The following EYA4 variants were observed in gnomAD, a reference collection of about 807,000 sequenced individuals.
EYA4 encodes the protein EYA transcriptional coactivator and phosphatase 4.
In EYA4, 31 loss-of-function variants were observed where a neutral mutation model predicts 87.9. The ratio of observed to expected loss-of-function variants is 0.35; its 90% CI spans 0.27 to 0.48. The LOEUF is 0.48. Among genes scored for constraint, EYA4 ranks in the 20% least tolerant of loss-of-function variants. EYA4 has a pLI of 0.99. For synonymous variants in EYA4, 263 were observed against 270.6 expected, an observed-to-expected ratio of 0.97 and a Z score of 0.28; for missense variants, 678 against 761.4, an observed-to-expected ratio of 0.89 and a Z score of 1.29.
chr6:133,383,758 G>A (rs923616309), intron 3 of EYA4, among the ~76,000 whole-genome samples: 5 of 151,994 alleles, frequency 3.3e-5, no homozygotes, highest in African/African-American at 1.2e-4. Context: ...TTTGATCTTT[G>A]TTCTGTGTAA....
chr6:133,269,597 A>C (rs1213595709), intron 1 of EYA4, among the ~76,000 whole-genome samples: 1 of 152,212 alleles, frequency 6.6e-6, no homozygotes, highest in African/African-American at 2.4e-5. Context: ...TCTAATAAGG[A>C]AAGTAACATG....
chr6:133,373,255 G>T (rs1263942408), intron 2 of EYA4, among the ~76,000 whole-genome samples: 2 of 151,938 alleles, frequency 1.3e-5, no homozygotes, highest in Non-Finnish European at 2.9e-5. Context: ...TGGCTTGTCT[G>T]GGGTCCTTTT....
intron 2 of EYA4, among the ~76,000 whole-genome samples, chr6:133,356,891 C>T (rs548279791): frequency 1.3e-5 from 2 of 151,652 alleles, no homozygotes; most frequent in African/African-American, 4.8e-5. Context: ...CACCCTGTGC[C>T]TCCCAGGTTC....
intron 19 of EYA4, among the ~76,000 whole-genome samples, chr6:133,526,293 A>G (rs368554331): frequency 6.6e-6 from 1 of 152,190 alleles, no homozygotes; most frequent in East Asian, 1.9e-4. Context: ...TGTTTTACAT[A>G]GAAAGAATGT....
At chr6:133,357,679 C>A (rs183186787) in intron 2 of EYA4, among the ~76,000 whole-genome samples, 8 of 152,158 alleles carry the variant, frequency 5.3e-5, no homozygotes, top group African/African-American at 1.9e-4. Flanking sequence ...TATCCAGAAA[C>A]AGCTGTCTTA....
intron 2 of EYA4, among the ~76,000 whole-genome samples, chr6:133,339,113 A>G (rs1233273449): frequency 6.6e-6 from 1 of 152,226 alleles, no homozygotes; most frequent in African/African-American, 2.4e-5. Flanking sequence ...ATGTCTCTAC[A>G]TAAGTTATTA....
chr6:133,481,047 G>GTGGAAGGGAA (rs1562470423), intron 11 of EYA4, among the ~76,000 whole-genome samples: 5 of 151,832 alleles, frequency 3.3e-5, no homozygotes, highest in East Asian at 1.9e-4. Flanking sequence ...GATGAGAGAG[G>GTGGAAGGGAA]GTTTGACTAA....
chr6:133,406,822 G>C (rs3822930), intron 3 of EYA4, among the ~76,000 whole-genome samples: 12,949 of 152,150 alleles, frequency 0.085, 705 homozygotes, highest in East Asian at 0.22. Context: ...TATGAAATCT[G>C]TCTCTTATTA....
intron 17 of EYA4, among the ~76,000 whole-genome samples, chr6:133,522,333 G>A (rs541246624): frequency 2.1e-4 from 32 of 151,062 alleles, no homozygotes; most frequent in African/African-American, 7.0e-4. Context: ...CTACTCTACC[G>A]TGTAGAGTAT....
chr6:133,476,642 G>A (rs368170655), intron 11 of EYA4, among the ~76,000 whole-genome samples: 17 of 151,906 alleles, frequency 1.1e-4, no homozygotes, highest in South Asian at 4.2e-4. Flanking sequence ...TCCTTTGTCC[G>A]TTTATCCATT....
chr6:133,354,048 G>T (rs1783833733), intron 2 of EYA4, among the ~76,000 whole-genome samples: 1 of 152,164 alleles, frequency 6.6e-6, no homozygotes, highest in Admixed American at 6.5e-5. Context: ...TTTTTGAATA[G>T]AATGCTCATA....
At chr6:133,279,086 T>G (rs1442155565) in intron 2 of EYA4, among the ~76,000 whole-genome samples, 5 of 152,146 alleles carry the variant, frequency 3.3e-5, no homozygotes, top group Admixed American at 3.3e-4. Context: ...GGGATATTAC[T>G]TCAGATTTTT....
At chr6:133,284,075 T>G (rs1383873391) in intron 2 of EYA4, among the ~76,000 whole-genome samples, 1 of 152,214 alleles carries the variant, frequency 6.6e-6, no homozygotes, top group Non-Finnish European at 1.5e-5. Context: ...TTCAGACCCT[T>G]CGGTCAACTT....
At chr6:133,465,825 G>A (rs1404910387) in intron 10 of EYA4, among the ~76,000 whole-genome samples, 1 of 152,048 alleles carries the variant, frequency 6.6e-6, no homozygotes, top group East Asian at 1.9e-4. Context: ...ATCACAAAAG[G>A]CAGAAAGGAA....
intron 3 of EYA4, among the ~76,000 whole-genome samples, chr6:133,424,074 C>T (rs1265672950): frequency 6.6e-6 from 1 of 152,206 alleles, no homozygotes; most frequent in Non-Finnish European, 1.5e-5. Flanking sequence ...CCTGTCTCTG[C>T]AGCTGGTTGT....
At chr6:133,409,182 C>T (rs1788991663) in intron 3 of EYA4, among the ~76,000 whole-genome samples, 2 of 152,138 alleles carry the variant, frequency 1.3e-5, no homozygotes, top group Admixed American at 1.3e-4. Flanking sequence ...CTTCTATTCA[C>T]TATCCAAAAA....
chr6:133,481,383 G>T, intron 11 of EYA4, 80 bp from the exon 12 acceptor site: 1 of 1,364,138 alleles, frequency 7.3e-7, no homozygotes. Flanking sequence ...ATAGGAATTT[G>T]TTAAGATAAT....
intron 13 of EYA4, among the ~76,000 whole-genome samples, chr6:133,490,487 G>A (rs1001542440): frequency 1.3e-5 from 2 of 151,314 alleles, no homozygotes; most frequent in African/African-American, 4.9e-5. Context: ...ATAATGGGAT[G>A]GAAAAATATA....
At chr6:133,459,995 T>A (rs762431383) in intron 6 of EYA4, among the ~76,000 whole-genome samples, 6 of 152,136 alleles carry the variant, frequency 3.9e-5, no homozygotes, top group Non-Finnish European at 5.9e-5. Context: ...TGATGCATGT[T>A]TGTGAAGCAG....
Sources: allele counts gnomAD v4.1 joint callset (sites outside exome capture counted in the v4.1 genomes callset), GRCh38; gene constraint gnomAD v4.1.1; transcripts MANE v1.5; gene names NCBI Gene and HGNC (gene_info 2026-07-23, HGNC 2026-07-21).